Variants in ZFHX3 observed in about 807,000 individuals in gnomAD.
ZFHX3 encodes the protein zinc finger homeobox 3, also known as zinc finger homeobox protein 3.
ZFHX3 carries 42 observed loss-of-function variants against 279.1 expected under a neutral mutation model. That is an observed-to-expected ratio of 0.15 (90% CI 0.12 to 0.19). ZFHX3 has a LOEUF of 0.19. ZFHX3 is among the 10% of genes least tolerant of loss of function. The probability of loss-of-function intolerance (pLI) is 1.00; values close to 1 mark genes in which losing one functional copy is unlikely to be tolerated. For synonymous variants in ZFHX3, 2,293 were observed against 1,957.8 expected (o/e 1.17, Z -4.52); for missense variants, 4,981 against 4,754.0 (o/e 1.05, Z -1.40).
At chr16:73,461,175 T>A (rs2018464571) in intron 2 of ZFHX3, among the ~76,000 whole-genome samples, 1 of 152,238 alleles carries the variant, frequency 6.6e-6, no homozygotes, top group Non-Finnish European at 1.5e-5. Context: ...CATTTTTCCA[T>A]GTGCTCATTT....
chr16:73,787,767 G>T (rs1044965631), intron 1 of ZFHX3, among the ~76,000 whole-genome samples: 12 of 150,978 alleles, frequency 7.9e-5, no homozygotes, highest in Non-Finnish European at 1.3e-4. Flanking sequence ...CACTGGATAG[G>T]CCTACTCTAT....
chr16:73,610,798 T>C (rs1275298323), intron 2 of ZFHX3, among the ~76,000 whole-genome samples: 2 of 152,318 alleles, frequency 1.3e-5, no homozygotes, highest in Admixed American at 1.3e-4. Flanking sequence ...TAGTTTAGGA[T>C]TCTGTTTATT....
At chr16:73,330,360 T>C (rs370193235) in intron 3 of ZFHX3, among the ~76,000 whole-genome samples, 3 of 152,292 alleles carry the variant, frequency 2.0e-5, no homozygotes, top group African/African-American at 7.2e-5. Context: ...CTGGTTAATA[T>C]GGATATTAAA....
chr16:73,093,644 C>G (rs1966119758), intron 7 of ZFHX3: 2 of 480,974 alleles, frequency 4.2e-6, no homozygotes, highest in African/African-American at 3.9e-5. Context: ...TCGGCCTCTC[C>G]CCACAGAATA....
At chr16:73,337,896 G>GGT (rs1555510900) in intron 3 of ZFHX3, among the ~76,000 whole-genome samples, 1 of 145,316 alleles carries the variant, frequency 6.9e-6, no homozygotes, top group Admixed American at 6.8e-5. Context: ...CCTTGGCGGG[G>GGT]GGGGGGGTCC....
At chr16:73,579,767 G>A (rs1309556715) in intron 2 of ZFHX3, among the ~76,000 whole-genome samples, 2 of 148,364 alleles carry the variant, frequency 1.3e-5, no homozygotes, top group Non-Finnish European at 3.0e-5. Context: ...CTCCCAAAGT[G>A]TATAAATTTT....
At chr16:73,006,271 A>C (rs1243755602) in intron 1 of ZFHX3, 4 of 152,198 alleles carry the variant, frequency 2.6e-5, no homozygotes, top group Non-Finnish European at 5.9e-5. Flanking sequence ...AAGTCAATGC[A>C]TCCTCTTTCA....
chr16:73,491,376 G>T (rs1282257597), intron 2 of ZFHX3, among the ~76,000 whole-genome samples: 1 of 152,188 alleles, frequency 6.6e-6, no homozygotes, highest in Non-Finnish European at 1.5e-5. Context: ...CACTGCAAAG[G>T]TGCTGCAGAA....
chr16:73,075,756 C>T (rs1023800960), intron 8 of ZFHX3, among the ~76,000 whole-genome samples: 1 of 151,904 alleles, frequency 6.6e-6, no homozygotes, highest in Admixed American at 6.6e-5. Flanking sequence ...GCCTCAGCCT[C>T]CCGAGTAACT....
intron 5 of ZFHX3, among the ~76,000 whole-genome samples, chr16:73,211,903 T>G (rs1281117702): frequency 6.6e-6 from 1 of 152,012 alleles, no homozygotes; most frequent in Non-Finnish European, 1.5e-5. Flanking sequence ...TCAGCGCAGT[T>G]CTATTTGATC....
At chr16:73,717,350 G>A (rs186784955) in intron 1 of ZFHX3, among the ~76,000 whole-genome samples, 466 of 152,216 alleles carry the variant, frequency 3.1e-3, no homozygotes, top group Non-Finnish European at 4.8e-3. Flanking sequence ...AGAGACCACC[G>A]ATTCCCATTT....
chr16:73,677,256 C>T (rs2052964581), intron 2 of ZFHX3, among the ~76,000 whole-genome samples: 2 of 151,834 alleles, frequency 1.3e-5, no homozygotes, highest in Non-Finnish European at 1.5e-5. Flanking sequence ...AAATCAACCA[C>T]TTTAAAATTT....
At chr16:72,984,750 G>C (rs568956623) in intron 1 of ZFHX3, among the ~76,000 whole-genome samples, 33 of 152,246 alleles carry the variant, frequency 2.2e-4, no homozygotes, top group African/African-American at 7.9e-4. Flanking sequence ...AGGACCCCGT[G>C]ATGGTCTTCA....
intron 3 of ZFHX3, among the ~76,000 whole-genome samples, chr16:73,368,027 C>T (rs900238648): frequency 6.6e-6 from 1 of 152,082 alleles, no homozygotes; most frequent in East Asian, 1.9e-4. Flanking sequence ...TGTGCCACCA[C>T]ATCTGGCTAA....
In ZFHX3 at chr16:72,959,783, G is replaced by A. The variant is rs138535630; in HGVS notation, c.363C>T (p.Asp121=). Residue 121 remains aspartate (D), a synonymous_variant, in exon 2 of 10, where the codon GAC becomes GAT. Transcript: ENST00000268489. ...ESASDTGEEG[D]EESDVENLAG... is the part of the protein sequence containing the mutation. ...CCAGGTTCTCCACGTCACTCTCCTC[G>A]TCCCCCTCCTCACCGGTGTCGCTGG... The A allele has an allele frequency of 1.4e-3, 2,290 of 1,602,852 alleles. 35 individuals carry two copies. In the South Asian group the frequency reaches 0.022, roughly 15 times the overall value.
At chr16:72,971,659 C>G (rs1185772934) in intron 1 of ZFHX3, among the ~76,000 whole-genome samples, 1 of 152,008 alleles carries the variant, frequency 6.6e-6, no homozygotes, top group Non-Finnish European at 1.5e-5. Context: ...GCCAAACTGT[C>G]CCCCAGGAAA....
chr16:73,289,899 C>T (rs1328623259), intron 4 of ZFHX3, among the ~76,000 whole-genome samples: 4 of 152,064 alleles, frequency 2.6e-5, no homozygotes, highest in Admixed American at 6.5e-5. Context: ...TCAAGTCACC[C>T]GGGGCCCCTT....
rs370384540 is a variant in ZFHX3, at chr16:73,260,680, G to GTTTT, written c.-1193-3548_-1193-3545dup. Among the ~76,000 whole-genome samples the GTTTT allele has an allele frequency of 2.0e-3, 178 of 88,382 alleles. 27 individuals carry two copies. The East Asian group carries it at 0.042, about 21-fold the overall frequency. 58.0% of individuals were successfully genotyped at this position (88,382 alleles called of 152,430 possible). ...TCTTTGTTAGTGGTGCACCTATCTG[G>GTTTT]TTTTTTTTTTTTTTTTTTTTTTTTT... is the stretch of plus-strand genomic sequence containing the variant. On this transcript the variant is annotated intron_variant, in intron 4 of 17. Transcript: ENST00000641206.
chr16:73,854,234 A>G (rs1961660956), intron 1 of ZFHX3, among the ~76,000 whole-genome samples: 1 of 152,220 alleles, frequency 6.6e-6, no homozygotes, highest in African/African-American at 2.4e-5. Context: ...CATTATAAAT[A>G]GTACACATCG....
Sources: allele counts gnomAD v4.1 joint callset (sites outside exome capture counted in the v4.1 genomes callset), GRCh38; gene constraint gnomAD v4.1.1; transcripts MANE v1.5; gene names NCBI Gene and HGNC (gene_info 2026-07-23, HGNC 2026-07-21).